Variants in NUP88 observed in about 807,000 individuals in gnomAD.
NUP88 encodes nucleoporin 88.
Under a neutral mutation model 93.9 loss-of-function variants are expected in NUP88, and 57 were observed. That is an observed-to-expected ratio of 0.61 (90% CI 0.49 to 0.76). The LOEUF is 0.76. NUP88 is among the 30% of genes least tolerant of loss of function. The pLI, the probability that NUP88 is intolerant of heterozygous loss-of-function variation, is 0.00. For synonymous variants in NUP88, 346 were observed against 336.8 expected (o/e 1.03, Z -0.30); for missense variants, 911 against 901.0 (o/e 1.01, Z -0.14).
At chr17:5,394,017 A>C (rs933619248) in intron 9 of NUP88, among the ~76,000 whole-genome samples, 5 of 152,148 alleles carry the variant, frequency 3.3e-5, no homozygotes, top group Non-Finnish European at 7.3e-5. Flanking sequence ...CACAGGAGAG[A>C]GAGCAGATTT....
chr17:5,411,667 C>T (rs528187932), intron 3 of NUP88, among the ~76,000 whole-genome samples: 2,482 of 151,046 alleles, frequency 0.016, 68 homozygotes, highest in African/African-American at 0.056. Context: ...ATTTTTTTAA[C>T]CAAAATTATT....
intron 5 of NUP88, among the ~76,000 whole-genome samples, chr17:5,407,706 T>C (rs1323167634): frequency 6.6e-6 from 1 of 152,220 alleles, no homozygotes; most frequent in African/African-American, 2.4e-5. Flanking sequence ...CTGATTTACT[T>C]AGAAATAAAT....
At chr17:5,410,668 T>C (rs1806253) in intron 4 of NUP88, 35 bp downstream of exon 4, 35,288 of 1,325,412 alleles carry the variant, frequency 0.027, 578 homozygotes, top group Middle Eastern at 0.065. Flanking sequence ...ATAAGCTAAT[T>C]AAAAAACCAT....
chr17:5,398,719 G>A (rs1238196927), intron 8 of NUP88, among the ~76,000 whole-genome samples: 1 of 151,794 alleles, frequency 6.6e-6, no homozygotes, highest in African/African-American at 2.4e-5. Flanking sequence ...CTTCCGAGTA[G>A]CTGGGACTAC....
rs113574323 is a variant in NUP88, at chr17:5,395,534, C to CTT, written c.1292-555_1292-554dup. 3.2e-3 allele frequency among the ~76,000 whole-genome samples: 483 copies of CTT among 149,900 alleles called. 3 individuals carry two copies. Among genetic ancestry groups the CTT allele is most frequent in the East Asian group, 8.4e-3 (42 of 4,998 alleles). On this transcript the variant is annotated intron_variant, in intron 8 of 16. Coordinates refer to ENST00000573584, the MANE Select transcript of NUP88 (RefSeq NM_002532.6). ...AGTAGGGATACTCAATTTATAACAG[C>CTT]TTTATTTTTTTTTGGATGGAGTCTC...
chr17:5,410,563 T>TACTACAAAATACA, intron 4 of NUP88, 140 bp downstream of exon 4: 1 of 613,522 alleles, frequency 1.6e-6, no homozygotes, highest in Non-Finnish European at 2.9e-6. Context: ...GAATCCCTGT[T>TACTACAAAATACA]CTACTAAAAA....
At chr17:5,404,490 T>C (rs1913371200) in intron 6 of NUP88, among the ~76,000 whole-genome samples, 1 of 152,080 alleles carries the variant, frequency 6.6e-6, no homozygotes, top group Admixed American at 6.6e-5. Context: ...GGTGGGTGCC[T>C]GTAATCCCAG....
At chr17:5,390,258 T>G (rs1054066226) in intron 10 of NUP88, among the ~76,000 whole-genome samples, 10 of 152,212 alleles carry the variant, frequency 6.6e-5, no homozygotes, top group Non-Finnish European at 5.9e-5. Flanking sequence ...GACTAGGTTT[T>G]ATTTTACTAA....
chr17:5,414,425 C>T (rs1038927721), intron 2 of NUP88, among the ~76,000 whole-genome samples: 1 of 151,912 alleles, frequency 6.6e-6, no homozygotes, highest in Non-Finnish European at 1.5e-5. Flanking sequence ...AAACTCCCGA[C>T]CTCAGGTGAT....
chr17:5,385,020 T>C lies in NUP88; in HGVS notation c.*1186A>G, dbSNP rs1014897263. The C allele has an allele frequency of 4.4e-6, 1 of 228,930 alleles. No individual in the cohort carries two copies. The highest frequency in any genetic ancestry group is 5.7e-5 in the Admixed American group (1 of 17,628). The allele number at this position is 228,930 out of a possible 1,614,324, so 14.2% of individuals were successfully genotyped here. A position where few individuals can be genotyped will look rare whatever the true frequency, so the allele number is the denominator to read the frequency against. On this transcript the variant is annotated 3_prime_UTR_variant, in exon 17 of 17. Coordinates refer to ENST00000573584, the MANE Select transcript of NUP88 (RefSeq NM_002532.6). ...AACTAGAGCTTGCAGTGAAGTGTTC[T>C]GCTGAGACTGAGCACCTTACAGATA...
chr17:5,406,236 G>T (rs1394651648), intron 5 of NUP88, among the ~76,000 whole-genome samples: 3 of 152,294 alleles, frequency 2.0e-5, no homozygotes, highest in Middle Eastern at 3.4e-3. Context: ...AAATGAGAAA[G>T]AATGATTTCT....
rs1428216698 is a variant in NUP88 at position 5,419,425 on chromosome 17, T to C, written c.226A>G (p.Ser76Gly). 3 of 1,613,546 alleles carry C rather than the reference T, an allele frequency of 1.9e-6. No homozygotes were observed. The highest frequency in any genetic ancestry group is 2.7e-5 in the African/African-American group (2 of 74,936). Residue 76 changes from serine to glycine, a missense_variant, in exon 1 of 17, where the codon AGC becomes GGC. Coordinates refer to ENST00000573584, the MANE Select transcript of NUP88 (RefSeq NM_002532.6). ...GELFLWDGED[S>G]SFLVVRLRGP... ...CGAAGGCGAACGACTAAGAAGGAGC[T>C]GTCTTCTCCGTCCCACAGGAAAAGC...
intron 2 of NUP88, 38 bp downstream of exon 2, chr17:5,416,471 GTATA>G: frequency 7.2e-7 from 1 of 1,394,046 alleles, no homozygotes; most frequent in Non-Finnish European, 9.7e-7. Context: ...ACAATTTTCT[GTATA>G]TATAATAAAT....
chr17:5,395,534 C>CTTTTTTTTTTTTTT (rs113574323), intron 8 of NUP88, among the ~76,000 whole-genome samples: 1 of 149,874 alleles, frequency 6.7e-6, no homozygotes. Flanking sequence ...TTTATAACAG[C>CTTTTTTTTTTTTTT]TTTATTTTTT....
In NUP88 at chr17:5,386,677, C is replaced by T. The variant is rs368063690; in HGVS notation, c.2162+31G>A. The T allele has an allele frequency of 1.2e-5, 17 of 1,383,898 alleles. No individual in the cohort carries two copies. The African/African-American group carries it at 1.8e-4, about 15-fold the overall frequency. The allele number at this position is 1,383,898 out of a possible 1,614,324, so 85.7% of individuals were successfully genotyped here. ...ATACTGTAAAGGAAAAACTATCTCA[C>T]GATAATAGCTGATTGGAAGTATTTA... On this transcript the variant is annotated intron_variant, in intron 16 of 16. Coordinates refer to ENST00000573584, the MANE Select transcript of NUP88 (RefSeq NM_002532.6).
chr17:5,394,904 G>T lies in NUP88; in HGVS notation c.1369C>A (p.Pro457Thr). 3 of 1,612,164 alleles carry T rather than the reference G, an allele frequency of 1.9e-6. No homozygotes were observed. Among genetic ancestry groups the T allele is most frequent in the African/African-American group, 1.3e-5 (1 of 75,010 alleles). ...CFVEHILCTK[P>T]LPCRQPAPIR... is the part of the protein sequence containing the mutation. ...GAGAGTCCTTACCTGCAGGGCAATG[G>T]CTTCGTACAAAGGATGTGTTCAACA... Residue 457 changes from proline to threonine, a missense_variant, in exon 9 of 17, where the codon CCA (proline) becomes ACA (threonine). Coordinates refer to ENST00000573584, the MANE Select transcript of NUP88 (RefSeq NM_002532.6).
intron 6 of NUP88, among the ~76,000 whole-genome samples, chr17:5,404,644 A>C (rs186674459): frequency 6.6e-6 from 1 of 152,240 alleles, no homozygotes; most frequent in East Asian, 1.9e-4. Context: ...ATAAATAAAA[A>C]AATTGAAAAA....
rs1222608910 is a variant in NUP88, at chr17:5,416,563, T to C, written c.417A>G (p.Arg139=). The C allele has an allele frequency of 1.2e-6, 2 of 1,612,188 alleles. No homozygotes were observed. The highest frequency in any genetic ancestry group is 1.3e-5 in the African/African-American group (1 of 74,996). ...KGLMVLELPK[R]WGKNSEFEGG... is the part of the protein sequence containing the mutation. ...CTTCAAATTCAGAATTCTTCCCCCA[T>C]CTTTTAGGTAATTCTAATACCATAA... The change falls in exon 2 of 17, where the codon AGA becomes AGG. Residue 139 remains arginine, a synonymous_variant. Coordinates refer to ENST00000573584, the MANE Select transcript of NUP88 (RefSeq NM_002532.6).
chr17:5,418,401 G>A (rs781118892), intron 1 of NUP88, among the ~76,000 whole-genome samples: 6 of 151,822 alleles, frequency 4.0e-5, no homozygotes, highest in Non-Finnish European at 8.8e-5. Flanking sequence ...TTACAAGGGC[G>A]CGCCACTACA....
Sources: allele counts gnomAD v4.1 joint callset (sites outside exome capture counted in the v4.1 genomes callset), GRCh38; gene constraint gnomAD v4.1.1; transcripts MANE v1.5; gene names NCBI Gene and HGNC (gene_info 2026-07-23, HGNC 2026-07-21).